The following CSMD3 variants were observed in gnomAD, a reference collection of about 807,000 sequenced individuals.
The protein encoded by CSMD3 is CUB and Sushi multiple domains 3.
CSMD3 carries 177 observed loss-of-function variants against 435.2 expected under a neutral mutation model. The observed-to-expected ratio is 0.41, with a 90% CI of 0.36 to 0.46. The LOEUF (loss-of-function observed/expected upper bound fraction) is 0.46, where lower values mean the gene tolerates loss of function less well. Among genes scored for constraint, CSMD3 ranks in the 20% least tolerant of loss-of-function variants. The probability of loss-of-function intolerance (pLI) is 0.34; values close to 1 mark genes in which losing one functional copy is unlikely to be tolerated. For synonymous variants in CSMD3, 1,656 were observed against 1,520.5 expected (o/e 1.09, Z -2.07); for missense variants, 4,265 against 4,504.6 (o/e 0.95, Z 1.52).
At chr8:112,822,940 T>A (rs1056593609) in intron 12 of CSMD3, among the ~76,000 whole-genome samples, 4 of 152,204 alleles carry the variant, frequency 2.6e-5, no homozygotes, top group African/African-American at 7.2e-5. Flanking sequence ...TTACACTTAT[T>A]AATTTGCATA....
intron 4 of CSMD3, among the ~76,000 whole-genome samples, chr8:113,101,593 G>T (rs2090331985): frequency 6.6e-6 from 1 of 151,980 alleles, no homozygotes; most frequent in Non-Finnish European, 1.5e-5. Context: ...ACACATGGAA[G>T]AGAGAACAAC....
chr8:112,887,645 T>G (rs984068676), intron 10 of CSMD3, among the ~76,000 whole-genome samples: 3 of 151,572 alleles, frequency 2.0e-5, no homozygotes, highest in Non-Finnish European at 3.0e-5. Flanking sequence ...TGTGTATTAT[T>G]TTATAGTATG....
intron 38 of CSMD3, among the ~76,000 whole-genome samples, chr8:112,369,564 G>A (rs1455392879): frequency 6.6e-6 from 1 of 152,064 alleles, no homozygotes; most frequent in Non-Finnish European, 1.5e-5. Context: ...CATTTGCAGG[G>A]ACATGGATGA....
At chr8:112,785,393 C>T (rs1049288891) in intron 13 of CSMD3, among the ~76,000 whole-genome samples, 1 of 151,664 alleles carries the variant, frequency 6.6e-6, no homozygotes, top group African/African-American at 2.4e-5. Context: ...CAACATAGTA[C>T]CAGAAATTGT....
intron 9 of CSMD3, among the ~76,000 whole-genome samples, chr8:112,944,306 CCTTT>C (rs1186670295): frequency 1.3e-5 from 2 of 151,634 alleles, no homozygotes; most frequent in East Asian, 1.9e-4. Context: ...TCTCTGTCTT[CCTTT>C]CTATTAGATT....
At chr8:112,901,176 T>A (rs1389251638) in intron 10 of CSMD3, among the ~76,000 whole-genome samples, 2 of 151,412 alleles carry the variant, frequency 1.3e-5, no homozygotes, top group African/African-American at 4.8e-5. Context: ...TTTTGACTTT[T>A]GCTTCAGATA....
At chr8:112,581,594 A>C (rs9694296) in intron 23 of CSMD3, among the ~76,000 whole-genome samples, 1,658 of 152,182 alleles carry the variant, frequency 0.011, 33 homozygotes, top group African/African-American at 0.038. Flanking sequence ...AAAGTAGCTG[A>C]AATTATATAG....
intron 3 of CSMD3, among the ~76,000 whole-genome samples, chr8:113,231,116 A>G (rs988211437): frequency 6.6e-6 from 1 of 151,444 alleles, no homozygotes; most frequent in African/African-American, 2.4e-5. Flanking sequence ...CATTATTTTA[A>G]AAATACTTCC....
rs558959439 is a variant in CSMD3, at chr8:112,297,238, T to C, written c.8441-1232A>G. Among the ~76,000 whole-genome samples the C allele has an allele frequency of 8.5e-5, 10 of 117,094 alleles. No homozygotes were observed. In the East Asian group the frequency reaches 2.0e-3, roughly 23 times the overall value. 76.8% of individuals were successfully genotyped at this position (117,094 alleles called of 152,430 possible). A position where few individuals can be genotyped will look rare whatever the true frequency, so the allele number is the denominator to read the frequency against. On this transcript the variant is annotated intron_variant, in intron 53 of 70. Transcript: ENST00000297405. ...TTTATGAAGTAATCATTAACCCCAA[T>C]AGTAAAGCCTCAAAAAAAAAAAAAA... is the stretch of plus-strand genomic sequence containing the variant.
intron 10 of CSMD3, among the ~76,000 whole-genome samples, chr8:112,921,024 CACACACACACAT>C (rs879296377): frequency 0.027 from 3,996 of 148,838 alleles, 94 homozygotes; most frequent in Middle Eastern, 0.048. Context: ...CACACACACA[CACACACACACAT>C]ATATATACCT....
chr8:112,308,603 T>C, intron 50 of CSMD3, among the ~76,000 whole-genome samples: 1 of 151,910 alleles, frequency 6.6e-6, no homozygotes, highest in East Asian at 1.9e-4. Context: ...TCTCAGGAAA[T>C]CACAAATTAA....
chr8:112,894,050 C>A (rs544124603), intron 10 of CSMD3, among the ~76,000 whole-genome samples: 1 of 151,510 alleles, frequency 6.6e-6, no homozygotes, highest in East Asian at 2.0e-4. Flanking sequence ...ATCCTAAAAA[C>A]CAAACAAACA....
chr8:112,778,108 A>G lies in CSMD3; in HGVS notation c.1972+22054T>C, dbSNP rs141326774. The stretch of plus-strand genomic sequence containing the variant: ...CGCAGCAAAATTAAACAGGAAGTAC[A>G]GAGTTTTCATATACTCCCTGCCCTC... On this transcript the variant is annotated intron_variant, in intron 13 of 70. Coordinates refer to ENST00000297405, the MANE Select transcript of CSMD3 (RefSeq NM_198123.2). 3.9e-3 allele frequency among the ~76,000 whole-genome samples: 596 copies of G among 152,000 alleles called. 2 individuals carry two copies. The highest frequency in any genetic ancestry group is 0.017 in the South Asian group (81 of 4,832).
rs1229373567 is a variant in CSMD3 at position 112,289,417 on chromosome 8, T to C, written c.9096A>G (p.Ser3032=). 6.2e-7 allele frequency: 1 copy of C among 1,613,478 alleles called. No individual in the cohort carries two copies. Among genetic ancestry groups the C allele is most frequent in the Non-Finnish European group, 8.5e-7 (1 of 1,179,602 alleles). The change falls in exon 57 of 71, where the codon TCA becomes TCG. Residue 3032 remains serine (S), a synonymous_variant. Coordinates refer to ENST00000297405, the MANE Select transcript of CSMD3 (RefSeq NM_198123.2). The stretch of plus-strand genomic sequence containing the variant: ...AATGGCCATTCAATTGGCAGGTTCT[T>C]GATGACTGGCCTAAAAGGGAACGCT... ...TGKRSLLGQS[S]RTCQLNGHWS... is the part of the protein sequence containing the mutation.
chr8:112,309,899 A>G (rs1821804834), intron 50 of CSMD3, among the ~76,000 whole-genome samples: 1 of 152,086 alleles, frequency 6.6e-6, no homozygotes, highest in Non-Finnish European at 1.5e-5. Flanking sequence ...CCTATCTTAC[A>G]TTTTGTTTTT....
chr8:112,656,127 A>G, intron 18 of CSMD3, 27 bp downstream of exon 18: 1 of 1,255,782 alleles, frequency 8.0e-7, no homozygotes, highest in Non-Finnish European at 1.2e-6. Flanking sequence ...CAGAATGAGG[A>G]AATCAAAAAG....
chr8:113,399,316 C>G (rs1244939139), intron 1 of CSMD3, among the ~76,000 whole-genome samples: 1 of 151,266 alleles, frequency 6.6e-6, no homozygotes, highest in Non-Finnish European at 1.5e-5. Context: ...AATTCAACTC[C>G]TAACTATAGA....
chr8:112,685,601 A>C lies in CSMD3; in HGVS notation c.2287T>G (p.Phe763Val), dbSNP rs753970098. 32 of 1,613,902 alleles carry C rather than the reference A, an allele frequency of 2.0e-5. No individual in the cohort carries two copies. The South Asian group carries it at 3.1e-4, about 16-fold the overall frequency. ...TGGGATTCCAGGTCAAAGTCATTGA[A>C]AGAAAGATGTATCCGGCTCCCTGGA... is the stretch of plus-strand genomic sequence containing the variant. ...SDPGSRIHLS[F>V]NDFDLESQFD... is the part of the protein sequence containing the mutation. Residue 763 changes from phenylalanine (F) to valine (V), a missense_variant, in exon 15 of 71, where the codon TTC becomes GTC. Coordinates refer to ENST00000297405, the MANE Select transcript of CSMD3 (RefSeq NM_198123.2).
chr8:113,307,840 T>C (rs1017552770), intron 2 of CSMD3, among the ~76,000 whole-genome samples: 5 of 152,196 alleles, frequency 3.3e-5, no homozygotes, highest in Non-Finnish European at 5.9e-5. Context: ...AACAAAGGTG[T>C]GGAGCATTTA....
Sources: gnomAD v4.1 joint callset for allele counts (sites outside exome capture counted in the v4.1 genomes callset) on GRCh38, gnomAD v4.1.1 for gene constraint, MANE v1.5 for transcripts, NCBI Gene and HGNC (gene_info 2026-07-23, HGNC 2026-07-21) for gene names.